COPA: variants seen among roughly 807,000 people sequenced by gnomAD.
COPA encodes coatomer subunit alpha.
Under a neutral mutation model 158.7 loss-of-function variants are expected in COPA, and 10 were observed. The observed-to-expected ratio is 0.06, with a 90% CI of 0.04 to 0.11. The LOEUF is 0.11. COPA is among the 10% of genes least tolerant of loss of function. COPA has a pLI of 1.00. For missense variants in COPA, 1,065 were observed against 1,536.7 expected, an observed-to-expected ratio of 0.69 and a Z score of 5.13; for synonymous variants, 462 against 542.8, an observed-to-expected ratio of 0.85 and a Z score of 2.07.
At chr1:160,339,713 A>T in intron 3 of COPA, 196 bp downstream of exon 3, 1 of 507,028 alleles carries the variant, frequency 2.0e-6, no homozygotes, top group South Asian at 3.1e-5. Flanking sequence ...TTATTTTTGA[A>T]TTCCCTAAAA....
intron 17 of COPA, among the ~76,000 whole-genome samples, chr1:160,302,549 C>CT (rs35112618): frequency 0.049 from 4,519 of 91,616 alleles, 196 homozygotes; most frequent in African/African-American, 0.095. Context: ...TCACAAGTTA[C>CT]TTTTTTTTTT....
At chr1:160,295,960 C>A (rs1658388196) in intron 22 of COPA, 101 bp from the exon 23 acceptor site, 1 of 1,580,194 alleles carries the variant, frequency 6.3e-7, no homozygotes, top group South Asian at 1.1e-5. Flanking sequence ...CTCTGCCTCT[C>A]CTGGTAACCA....
At chr1:160,294,412 G>A (rs1205765132) in intron 25 of COPA, 72 bp downstream of exon 25, 1 of 1,308,682 alleles carries the variant, frequency 7.6e-7, no homozygotes, top group Non-Finnish European at 1.1e-6. Flanking sequence ...GATAGTGGTA[G>A]GGGACAATAA....
chr1:160,290,111 T>C lies in COPA; in HGVS notation c.*46A>G. The stretch of plus-strand genomic sequence containing the variant: ...TTAGAAGGAGGATATAGACACATTC[T>C]CTGGGGGGAACATATGGTGACTGAC... On this transcript the variant is annotated 3_prime_UTR_variant, in exon 33 of 33. Coordinates refer to ENST00000241704, the MANE Select transcript of COPA (RefSeq NM_004371.4). The C allele has an allele frequency of 6.3e-7, 1 of 1,583,160 alleles. No individual in the cohort carries two copies. The highest frequency in any genetic ancestry group is 1.7e-5 in the Admixed American group (1 of 59,804).
Position 160,295,646 on chromosome 1 carries a change from GACA to G in COPA, c.2476+87_2476+89del, listed in dbSNP as rs898861948. On this transcript the variant is annotated intron_variant, in intron 23 of 32. Coordinates refer to ENST00000241704, the MANE Select transcript of COPA (RefSeq NM_004371.4). ...CATTAGGCTCCATGCAGAAAAAAAG[GACA>G]AGTTAAACTAAATGCTAATGGTATT... is the stretch of plus-strand genomic sequence containing the variant. The G allele has an allele frequency of 1.1e-5, 14 of 1,299,112 alleles. No homozygotes were observed. The Middle Eastern group carries it at 1.1e-3, about 103-fold the overall frequency. The allele number at this position is 1,299,112 out of a possible 1,614,324, so 80.5% of individuals were successfully genotyped here.
intron 6 of COPA, chr1:160,326,244 G>A (rs1659485857): frequency 6.5e-6 from 1 of 153,556 alleles, no homozygotes; most frequent in Non-Finnish European, 1.4e-5. Flanking sequence ...AAAGCCATTT[G>A]AGGTTGGCGT....
intron 25 of COPA, 73 bp downstream of exon 25, chr1:160,294,411 A>G: frequency 7.8e-7 from 1 of 1,282,932 alleles, no homozygotes; most frequent in Non-Finnish European, 1.1e-6. Flanking sequence ...GGATAGTGGT[A>G]GGGGACAATA....
At chr1:160,297,082 G>T (rs904618783) in intron 21 of COPA, among the ~76,000 whole-genome samples, 3 of 152,060 alleles carry the variant, frequency 2.0e-5, no homozygotes, top group Non-Finnish European at 2.9e-5. Flanking sequence ...TTACTAGGGC[G>T]TCCACTCAAG....
chr1:160,311,063 C>T (rs1209982891), intron 11 of COPA, among the ~76,000 whole-genome samples: 1 of 152,150 alleles, frequency 6.6e-6, no homozygotes, highest in Non-Finnish European at 1.5e-5. Flanking sequence ...CCTTGCCTCC[C>T]TCACTCATTG....
At position 160,337,675 on chromosome 1, in the gene COPA, C is replaced by T. The variant is rs573270188; in HGVS notation, c.228+2234G>A. On this transcript the variant is annotated intron_variant, in intron 3 of 32. Transcript: ENST00000241704. The stretch of plus-strand genomic sequence containing the variant: ...TGGAGGCTGCAGTGAGCCGAGATCA[C>T]GCCACTGCACTCCAGCCTGGGCAAC... Among the ~76,000 whole-genome samples, 54 of 152,020 alleles carry T rather than the reference C, an allele frequency of 3.6e-4. 2 individuals are homozygous for T. The highest frequency in any genetic ancestry group is 2.3e-3 in the Admixed American group (35 of 15,270).
At position 160,291,938 on chromosome 1, in the gene COPA, G is replaced by A. The variant is rs1658248308; in HGVS notation, c.3148-9C>T. The stretch of plus-strand genomic sequence containing the variant: ...GTGATGAGCTGCTGGGCCTGTAGAG[G>A]GGGCAGAAGGTCAGGATACAGAGAC... On this transcript the variant is annotated splice_polypyrimidine_tract_variant and intron_variant, in intron 29 of 32. Coordinates refer to ENST00000241704, the MANE Select transcript of COPA (RefSeq NM_004371.4). The A allele has an allele frequency of 1.9e-6, 3 of 1,614,052 alleles. No homozygotes were observed. The highest frequency in any genetic ancestry group is 2.5e-6 in the Non-Finnish European group (3 of 1,180,032).
At chr1:160,295,946 G>C (rs1658387850) in intron 22 of COPA, 87 bp from the exon 23 acceptor site, 1 of 1,579,596 alleles carries the variant, frequency 6.3e-7, no homozygotes, top group African/African-American at 1.4e-5. Context: ...GATCTCATTT[G>C]TTTCTCTGCC....
At chr1:160,309,225 T>C (rs887501420) in intron 12 of COPA, 49 bp from the exon 13 acceptor site, 10 of 1,407,568 alleles carry the variant, frequency 7.1e-6, no homozygotes, top group Non-Finnish European at 1.0e-5. Context: ...GCACCCAAGA[T>C]ACCAGTTTTC....
Position 160,305,439 on chromosome 1 carries a change from G to C in COPA, c.1661C>G (p.Thr554Ser). The change falls in exon 17 of 33, where the codon ACC (threonine) becomes AGC (serine). Residue 554 changes from threonine to serine, a missense_variant. This residue lies in a region of COPA where 980 missense variants were observed against 1,357.8 expected (regional missense o/e 0.72). Transcript: ENST00000241704. ...TTSNHIKYAV[T>S]TGDHGIIRTL... ...TCCCAGATAATTAACTTACCCAGTG[G>C]TGACAGCATATTTGATGTGGTTGCT... 1 of 1,614,042 alleles carries C rather than the reference G, an allele frequency of 6.2e-7. No homozygotes were observed. The highest frequency in any genetic ancestry group is 8.5e-7 in the Non-Finnish European group (1 of 1,179,950).
intron 5 of COPA, 48 bp downstream of exon 5, chr1:160,333,555 A>G: frequency 7.2e-7 from 1 of 1,382,408 alleles, no homozygotes; most frequent in Non-Finnish European, 1.0e-6. Context: ...ATTATGAAAA[A>G]CTAGGAAAAA....
chr1:160,306,845 G>A (rs578054788), intron 14 of COPA, among the ~76,000 whole-genome samples: 14 of 152,280 alleles, frequency 9.2e-5, no homozygotes, highest in African/African-American at 3.4e-4. Context: ...AGTAACAATG[G>A]AGGCAGCAGA....
At chr1:160,295,316 G>A (rs765370590) in intron 23 of COPA, among the ~76,000 whole-genome samples, 1 of 152,166 alleles carries the variant, frequency 6.6e-6, no homozygotes, top group South Asian at 2.1e-4. Flanking sequence ...AAAACAGGAG[G>A]AGGTTAAGGG....
In COPA at chr1:160,339,780, T is replaced by G. The variant is rs534000909; in HGVS notation, c.228+129A>C. 8.0e-6 allele frequency: 6 copies of G among 747,426 alleles called. No homozygotes were observed. In the South Asian group the frequency reaches 9.3e-5, roughly 12 times the overall value. 46.3% of individuals were successfully genotyped at this position (747,426 alleles called of 1,614,324 possible). ...CAATAAATGTTTGCTGAGTAAGTTC[T>G]CCGGATAATGTTGTCAAAGGCCTGA... On this transcript the variant is annotated intron_variant, in intron 3 of 32. Coordinates refer to ENST00000241704, the MANE Select transcript of COPA (RefSeq NM_004371.4).
At chr1:160,290,897 C>G (rs1658208221) in intron 31 of COPA, among the ~76,000 whole-genome samples, 1 of 152,292 alleles carries the variant, frequency 6.6e-6, no homozygotes, top group Non-Finnish European at 1.5e-5. Flanking sequence ...AAAAGTGGCT[C>G]CATAATCTAG....
Sources: gnomAD v4.1 joint callset for allele counts (sites outside exome capture counted in the v4.1 genomes callset) on GRCh38, gnomAD v4.1.1 for gene constraint, gnomAD v4.1.1 regional missense constraint, MANE v1.5 for transcripts, NCBI Gene and HGNC (gene_info 2026-07-23, HGNC 2026-07-21) for gene names.